The following ERBIN variants were observed in gnomAD, a reference collection of about 807,000 sequenced individuals.
ERBIN encodes the protein erbb2 interacting protein.
In ERBIN, 60 loss-of-function variants were observed where a neutral mutation model predicts 158.4. That is an observed-to-expected ratio of 0.38 (90% CI 0.31 to 0.47). ERBIN has a LOEUF of 0.47. Ranked by LOEUF, ERBIN falls within the 20% of genes least tolerant of loss-of-function variation. The probability of loss-of-function intolerance (pLI) is 0.99; values close to 1 mark genes in which losing one functional copy is unlikely to be tolerated. For synonymous variants in ERBIN, 594 were observed against 557.2 expected, an observed-to-expected ratio of 1.07 and a Z score of -0.93; for missense variants, 1,610 against 1,648.0, an observed-to-expected ratio of 0.98 and a Z score of 0.40.
chr5:66,052,496 A>C (rs1759148483), intron 20 of ERBIN, among the ~76,000 whole-genome samples: 1 of 152,278 alleles, frequency 6.6e-6, no homozygotes, highest in East Asian at 1.9e-4. Flanking sequence ...AATTTGTTGA[A>C]TAATAAAATT....
intron 1 of ERBIN, among the ~76,000 whole-genome samples, chr5:65,948,765 T>TTTC (rs1458745981): frequency 7.2e-6 from 1 of 139,594 alleles, no homozygotes; most frequent in African/African-American, 2.8e-5. Context: ...GTTTTGCGTT[T>TTTC]TTTTTTTTTT....
At chr5:66,048,268 A>G (rs548435980) in intron 18 of ERBIN, among the ~76,000 whole-genome samples, 1 of 151,976 alleles carries the variant, frequency 6.6e-6, no homozygotes. Context: ...CTGAAAAGCC[A>G]AGCTAAGAAG....
chr5:65,965,085 C>G (rs1321614738), intron 1 of ERBIN, among the ~76,000 whole-genome samples: 1 of 151,610 alleles, frequency 6.6e-6, no homozygotes. Context: ...GCCCCTGTGC[C>G]TGGCCAGAAC....
At chr5:66,019,178 C>CTTTATT (rs1755420346) in intron 7 of ERBIN, among the ~76,000 whole-genome samples, 1 of 152,052 alleles carries the variant, frequency 6.6e-6, no homozygotes, top group Admixed American at 6.6e-5. Flanking sequence ...AATTTGGATG[C>CTTTATT]TCTTTATTTC....
chr5:66,044,496 G>A (rs1758220663), intron 17 of ERBIN, among the ~76,000 whole-genome samples, 186 bp downstream of exon 17: 1 of 152,146 alleles, frequency 6.6e-6, no homozygotes, highest in Non-Finnish European at 1.5e-5. Context: ...TGGGCGTGGT[G>A]GCTCACACCT....
chr5:66,004,842 G>A (rs1753411665), intron 4 of ERBIN, among the ~76,000 whole-genome samples: 1 of 152,272 alleles, frequency 6.6e-6, no homozygotes, highest in African/African-American at 2.4e-5. Context: ...ATTTTGTAAG[G>A]TGTGAGCGTC....
chr5:65,944,992 G>C (rs975929992), intron 1 of ERBIN, among the ~76,000 whole-genome samples: 2 of 152,066 alleles, frequency 1.3e-5, no homozygotes, highest in Non-Finnish European at 2.9e-5. Context: ...AGAAAAAAAT[G>C]GAGCAAATGA....
chr5:66,020,460 A>G (rs752918287), intron 7 of ERBIN, among the ~76,000 whole-genome samples: 2 of 152,028 alleles, frequency 1.3e-5, no homozygotes, highest in Non-Finnish European at 2.9e-5. Flanking sequence ...TATTGTGATT[A>G]TAACTATATT....
At chr5:66,064,792 T>TG (rs1214496662) in intron 21 of ERBIN, among the ~76,000 whole-genome samples, 6 of 152,120 alleles carry the variant, frequency 3.9e-5, no homozygotes, top group African/African-American at 1.4e-4. Context: ...GTTTTAGGGA[T>TG]GGAATGAGAA....
chr5:66,005,743 T>TTTTTTTTTTTTTTTTTTTTTG (rs1753517415), intron 4 of ERBIN, among the ~76,000 whole-genome samples: 1 of 152,192 alleles, frequency 6.6e-6, no homozygotes, highest in Non-Finnish European at 1.5e-5. Flanking sequence ...CAGGCATTCT[T>TTTTTTTTTTTTTTTTTTTTTG]ATACACCAGT....
chr5:66,059,338 T>A (rs1032693145), intron 21 of ERBIN, among the ~76,000 whole-genome samples: 1 of 150,040 alleles, frequency 6.7e-6, no homozygotes, highest in Non-Finnish European at 1.5e-5. Flanking sequence ...GCTCTCTGTT[T>A]GTCTGTTATT....
chr5:65,952,998 A>G (rs891648148), intron 1 of ERBIN, among the ~76,000 whole-genome samples: 1 of 152,206 alleles, frequency 6.6e-6, no homozygotes, highest in Non-Finnish European at 1.5e-5. Context: ...AGTATACCAT[A>G]ATAAGACCCT....
At chr5:65,940,511 G>T (rs1279162656) in intron 1 of ERBIN, among the ~76,000 whole-genome samples, 1 of 135,006 alleles carries the variant, frequency 7.4e-6, no homozygotes, top group East Asian at 2.1e-4. Flanking sequence ...CGTCTGGGAG[G>T]GAGGTGGGGG....
chr5:66,036,156 G>A (rs944959808), intron 14 of ERBIN, among the ~76,000 whole-genome samples: 1 of 152,112 alleles, frequency 6.6e-6, no homozygotes, highest in South Asian at 2.1e-4. Flanking sequence ...TTACCTTACA[G>A]TGCTTTCGAA....
At chr5:65,954,844 C>A (rs572478653) in intron 1 of ERBIN, among the ~76,000 whole-genome samples, 5 of 151,538 alleles carry the variant, frequency 3.3e-5, no homozygotes, top group Admixed American at 6.6e-5. Flanking sequence ...GGTGGGGGAT[C>A]ACTTGAGGTC....
intron 1 of ERBIN, among the ~76,000 whole-genome samples, chr5:65,950,686 A>G (rs1746389841): frequency 6.6e-6 from 1 of 152,180 alleles, no homozygotes; most frequent in African/African-American, 2.4e-5. Flanking sequence ...GAAGTACCAA[A>G]TAATTTGCAG....
chr5:66,065,650 TGTGTGTG>T (rs1760914885), intron 21 of ERBIN, among the ~76,000 whole-genome samples: 4 of 137,090 alleles, frequency 2.9e-5, no homozygotes, highest in East Asian at 2.1e-4. Flanking sequence ...TGTGTGTGTG[TGTGTGTG>T]TGTTTTGCTT....
chr5:66,049,812 T>TA (rs1381787562), intron 19 of ERBIN, among the ~76,000 whole-genome samples: 4 of 152,120 alleles, frequency 2.6e-5, no homozygotes, highest in Non-Finnish European at 5.9e-5. Context: ...AGCACTACTT[T>TA]AAAAAAATAC....
chr5:66,076,907 A>ACCAGCAT lies in ERBIN; in HGVS notation c.4091_4097dup (p.Lys1367SerfsTer9). On this transcript the variant is annotated frameshift_variant, in exon 25 of 26. Transcript: ENST00000284037. LOFTEE classifies it high-confidence loss of function. Reference sequence around the variant, plus strand: ...TTGTAACAAGGGTACAACCTGAAGGACCAGCATCAAAATTACTGCAGCCAG... The same window carrying ACCAGCAT: ...TTGTAACAAGGGTACAACCTGAAGGACCAGCATCCAGCATCAAAATTACTGCAGCCAG... The ACCAGCAT allele has an allele frequency of 6.2e-7, 1 of 1,610,114 alleles. No homozygotes were observed. The highest frequency in any genetic ancestry group is 1.1e-5 in the South Asian group (1 of 90,246).
Sources: gnomAD v4.1 joint callset for allele counts (sites outside exome capture counted in the v4.1 genomes callset) on GRCh38, gnomAD v4.1.1 for gene constraint, MANE v1.5 for transcripts, NCBI Gene and HGNC (gene_info 2026-07-23, HGNC 2026-07-21) for gene names.